Variants in SAMD12 observed in about 807,000 individuals in gnomAD.
SAMD12 encodes sterile alpha motif domain-containing protein 12.
Under a neutral mutation model 15.0 loss-of-function variants are expected in SAMD12, and 9 were observed. The observed-to-expected ratio is 0.60, with a 90% CI of 0.36 to 1.05. The LOEUF (loss-of-function observed/expected upper bound fraction) is 1.05. Among genes scored for constraint, SAMD12 ranks in the 50% least tolerant of loss-of-function variants. The pLI, the probability that SAMD12 is intolerant of heterozygous loss-of-function variation, is 0.01. For synonymous variants in SAMD12, 86 were observed against 90.1 expected (o/e 0.96, Z 0.25); for missense variants, 230 against 234.2 (o/e 0.98, Z 0.12).
chr8:118,216,277 C>T (rs1431521634), intron 4 of SAMD12, among the ~76,000 whole-genome samples: 3 of 152,002 alleles, frequency 2.0e-5, no homozygotes, highest in Admixed American at 1.3e-4. Context: ...TGAGAAGTGT[C>T]TGTTCATGTC....
At chr8:118,383,986 T>C (rs186287028) in intron 3 of SAMD12, among the ~76,000 whole-genome samples, 3 of 152,070 alleles carry the variant, frequency 2.0e-5, no homozygotes, top group African/African-American at 7.2e-5. Context: ...TAGTCATAAG[T>C]GCTCTGAAGA....
intron 4 of SAMD12, among the ~76,000 whole-genome samples, chr8:118,253,751 A>G (rs1340749331): frequency 6.6e-6 from 1 of 152,182 alleles, no homozygotes; most frequent in Non-Finnish European, 1.5e-5. Context: ...CAGGTCCCAG[A>G]AAAGGAAGAC....
chr8:118,350,313 C>T (rs1358403547), intron 4 of SAMD12, among the ~76,000 whole-genome samples: 1 of 152,144 alleles, frequency 6.6e-6, no homozygotes, highest in Non-Finnish European at 1.5e-5. Flanking sequence ...CAGCATTTAC[C>T]TCATCATGCT....
chr8:118,358,866 G>C (rs1053199931), intron 4 of SAMD12, among the ~76,000 whole-genome samples: 6 of 152,142 alleles, frequency 3.9e-5, no homozygotes, highest in African/African-American at 1.4e-4. Context: ...CTGGATGAGA[G>C]AGAATGGTGG....
In SAMD12 at chr8:118,526,635, G is replaced by A. The variant is rs142581086; in HGVS notation, c.192+54080C>T. Among the ~76,000 whole-genome samples, 44 of 152,232 alleles carry A rather than the reference G, an allele frequency of 2.9e-4. No individual in the cohort carries two copies. In the East Asian group the frequency reaches 8.1e-3, roughly 28 times the overall value. On this transcript the variant is annotated intron_variant, in intron 2 of 3. Coordinates refer to ENST00000314727, the MANE Select transcript of SAMD12 (RefSeq NM_207506.3). ...TAAGGTGAAGTGGAGCACCAGAAGAGTGCTGTTCATACCCCTAGGCTGAAA... is the reference window on the plus strand; with the variant it reads ...TAAGGTGAAGTGGAGCACCAGAAGAATGCTGTTCATACCCCTAGGCTGAAA...
At chr8:118,295,480 T>G (rs1009681094) in intron 4 of SAMD12, among the ~76,000 whole-genome samples, 1 of 152,196 alleles carries the variant, frequency 6.6e-6, no homozygotes, top group Non-Finnish European at 1.5e-5. Flanking sequence ...TGGATAATAA[T>G]GATGTGTAAT....
At chr8:118,544,145 C>T (rs1419218090) in intron 2 of SAMD12, among the ~76,000 whole-genome samples, 2 of 152,178 alleles carry the variant, frequency 1.3e-5, no homozygotes, top group East Asian at 1.9e-4. Flanking sequence ...TCATTCCAAC[C>T]TTTTCCTGGT....
intron 4 of SAMD12, among the ~76,000 whole-genome samples, chr8:118,233,317 A>G (rs1812355651): frequency 6.6e-6 from 1 of 152,186 alleles, no homozygotes; most frequent in Non-Finnish European, 1.5e-5. Flanking sequence ...TCCCACATGC[A>G]AGGCACTGAC....
Position 118,318,308 on chromosome 8 carries a change from GTGTATATATATA to G in SAMD12, c.433+61240_433+61251del, listed in dbSNP as rs1410321619. 6.8e-4 allele frequency among the ~76,000 whole-genome samples: 39 copies of G among 57,520 alleles called. 1 individual carries two copies. The highest frequency in any genetic ancestry group is 8.5e-3 in the Middle Eastern group (1 of 118). 37.7% of individuals were successfully genotyped at this position (57,520 alleles called of 152,430 possible). ...GATTAAAAAAATATGGGAGATATAT[GTGTATATATATA>G]TATATATATATATATATATATATAT... On this transcript the variant is annotated intron_variant, in intron 4 of 4. Coordinates refer to the SAMD12 transcript ENST00000409003.
chr8:118,181,374 C>T, the SAMD12 span, among the ~76,000 whole-genome samples: 1 of 152,200 alleles, frequency 6.6e-6, no homozygotes, highest in Non-Finnish European at 1.5e-5. Context: ...TGCCTTGCAT[C>T]CATTCCTTCT....
At chr8:118,543,063 TA>T (rs1004952066) in intron 2 of SAMD12, among the ~76,000 whole-genome samples, 5 of 152,044 alleles carry the variant, frequency 3.3e-5, no homozygotes, top group Non-Finnish European at 5.9e-5. Context: ...AAATAAGAAT[TA>T]AAAACACTAA....
intron 2 of SAMD12, among the ~76,000 whole-genome samples, chr8:118,462,070 T>C (rs1823438267): frequency 6.6e-6 from 1 of 152,230 alleles, no homozygotes; most frequent in South Asian, 2.1e-4. Flanking sequence ...CAGTTTTGGG[T>C]ACATGGCATT....
intron 2 of SAMD12, among the ~76,000 whole-genome samples, chr8:118,495,999 T>C (rs1350080387): frequency 2.0e-5 from 3 of 152,044 alleles, no homozygotes; most frequent in African/African-American, 7.2e-5. Flanking sequence ...GGAATATAGC[T>C]AACCAGGAAG....
chr8:118,240,747 T>G (rs1274864547), intron 4 of SAMD12, among the ~76,000 whole-genome samples: 1 of 147,568 alleles, frequency 6.8e-6, no homozygotes, highest in Non-Finnish European at 1.5e-5. Context: ...TCAATTGGAT[T>G]ATGCAAAAGG....
At chr8:118,336,391 G>T (rs78353166) in intron 4 of SAMD12, among the ~76,000 whole-genome samples, 1,939 of 152,258 alleles carry the variant, frequency 0.013, 40 homozygotes, top group African/African-American at 0.043. Flanking sequence ...TTGAGTCTAT[G>T]ATTTTTATCA....
At chr8:118,329,125 C>CA (rs142994064) in intron 4 of SAMD12, among the ~76,000 whole-genome samples, 14,011 of 151,652 alleles carry the variant, frequency 0.092, 835 homozygotes, top group Non-Finnish European at 0.12. Context: ...GAAAAGTAAA[C>CA]AAAAAAAATC....
exon 5 of SAMD12, chr8:118,191,343 A>G (rs1183764564): frequency 6.6e-6 from 1 of 152,100 alleles, no homozygotes; most frequent in Non-Finnish European, 1.5e-5. Context: ...AGAGAGCCCT[A>G]AAATTGCCTA....
the SAMD12 span, among the ~76,000 whole-genome samples, chr8:118,164,340 T>C: frequency 6.6e-6 from 1 of 152,184 alleles, no homozygotes; most frequent in Non-Finnish European, 1.5e-5. Context: ...CCAGGCAGTT[T>C]CTGCTTCAGC....
intron 1 of SAMD12, among the ~76,000 whole-genome samples, chr8:118,613,294 C>T (rs1828152632): frequency 1.3e-5 from 2 of 151,986 alleles, no homozygotes; most frequent in South Asian, 4.2e-4. Flanking sequence ...GAAATGGGGG[C>T]TAGAGTTTCA....
Sources: allele counts gnomAD v4.1 joint callset (sites outside exome capture counted in the v4.1 genomes callset), GRCh38; gene constraint gnomAD v4.1.1; transcripts MANE v1.5; gene names NCBI Gene and HGNC (gene_info 2026-07-23, HGNC 2026-07-21).